C10orf90: variants seen among roughly 807,000 people sequenced by gnomAD.
The protein encoded by C10orf90 is chromosome 10 open reading frame 90, also known as (E2-independent) E3 ubiquitin-conjugating enzyme FATS.
C10orf90 carries 56 observed loss-of-function variants against 62.5 expected under a neutral mutation model. That is an observed-to-expected ratio of 0.90 (90% CI 0.72 to 1.12). C10orf90 has a LOEUF of 1.12. Ranked by LOEUF, C10orf90 falls within the 50% of genes most tolerant of loss-of-function variation. The pLI is 0.00. For synonymous variants in C10orf90, 386 were observed against 340.4 expected (o/e 1.13, Z -1.47); for missense variants, 970 against 880.4 (o/e 1.10, Z -1.29).
intron 4 of C10orf90, among the ~76,000 whole-genome samples, chr10:126,481,191 C>A (rs1322445037): frequency 6.6e-6 from 1 of 152,232 alleles, no homozygotes; most frequent in Non-Finnish European, 1.5e-5. Flanking sequence ...CCTGGCCACC[C>A]ATCTAAAGGA....
chr10:126,468,516 T>C (rs9919433), intron 4 of C10orf90, among the ~76,000 whole-genome samples: 46,682 of 152,012 alleles, frequency 0.31, 7,267 homozygotes, highest in African/African-American at 0.34. Context: ...ATGAATGAGT[T>C]CTGGACACCA....
intron 2 of C10orf90, among the ~76,000 whole-genome samples, chr10:126,573,795 A>G (rs868777838): frequency 7.2e-5 from 11 of 152,292 alleles, no homozygotes; most frequent in Middle Eastern, 6.8e-3. Flanking sequence ...GGAAACTCAG[A>G]AAGTATTTCA....
rs1228733026 is a variant in C10orf90, at chr10:126,456,602, C to T, written c.2188+2438G>A. 2.0e-5 allele frequency among the ~76,000 whole-genome samples: 3 copies of T among 152,174 alleles called. No individual in the cohort carries two copies. Among genetic ancestry groups the T allele is most frequent in the African/African-American group, 7.2e-5 (3 of 41,426 alleles). ...CCCAACAAAAAGATATGTTTAAGTC[C>T]TAATCCCCCATAACTCTGAATGTGA... On this transcript the variant is annotated intron_variant, in intron 7 of 9. Coordinates refer to ENST00000488181, the MANE Select transcript of C10orf90 (RefSeq NM_001350921.2). This position sits in a 1 kb window ranked among gnomAD's most constrained non-coding sequence, Gnocchi z 4.9.
intron 4 of C10orf90, among the ~76,000 whole-genome samples, chr10:126,486,236 C>T (rs1861430307): frequency 6.6e-6 from 1 of 152,104 alleles, no homozygotes; most frequent in Non-Finnish European, 1.5e-5. Context: ...AGACTTGGGG[C>T]CAAAAGTTCA....
chr10:126,505,143 A>T lies in C10orf90; in HGVS notation c.406-58T>A. 4.6e-6 allele frequency: 7 copies of T among 1,517,700 alleles called. No individual in the cohort carries two copies. In the South Asian group the frequency reaches 7.8e-5, roughly 17 times the overall value. The allele number at this position is 1,517,700 out of a possible 1,614,324, so 94.0% of individuals were successfully genotyped here. ...CAGTCTATTGAAATATAGACAGTAA[A>T]CTCTCTTTCAAGGGCCACCAGGATG... On this transcript the variant is annotated intron_variant, in intron 3 of 9. Coordinates refer to ENST00000488181, the MANE Select transcript of C10orf90 (RefSeq NM_001350921.2).
rs1340705358 is a variant in C10orf90 at position 126,618,896 on chromosome 10, A to G, written c.313+27669T>C. Among the ~76,000 whole-genome samples the G allele has an allele frequency of 5.9e-5, 9 of 152,194 alleles. No homozygotes were observed. In the East Asian group the frequency reaches 1.7e-3, roughly 29 times the overall value. On this transcript the variant is annotated intron_variant, in intron 2 of 9. Transcript: ENST00000488181. ...CAAAAGCATACAGCATAGAGCCACT[A>G]TTCACAGTAGCAAAGACATGGAATC... is the stretch of plus-strand genomic sequence containing the variant.
At chr10:126,454,425 G>A (rs1859404668) in intron 7 of C10orf90, among the ~76,000 whole-genome samples, 1 of 151,544 alleles carries the variant, frequency 6.6e-6, no homozygotes, top group Non-Finnish European at 1.5e-5. Context: ...CCTATGACCT[G>A]CAGAGGTTGT....
intron 4 of C10orf90, among the ~76,000 whole-genome samples, chr10:126,471,592 G>T (rs1416952540): frequency 3.3e-5 from 5 of 152,152 alleles, no homozygotes; most frequent in Admixed American, 1.3e-4. Flanking sequence ...GTGATCAGAA[G>T]CACCCTGTGT....
chr10:126,432,143 A>G (rs1214738913), intron 7 of C10orf90, among the ~76,000 whole-genome samples: 1 of 152,228 alleles, frequency 6.6e-6, no homozygotes, highest in Non-Finnish European at 1.5e-5. Context: ...TGGAGGAAAG[A>G]GACATGAGGA....
chr10:126,553,031 G>A (rs1864674134), intron 2 of C10orf90, among the ~76,000 whole-genome samples: 1 of 151,994 alleles, frequency 6.6e-6, no homozygotes. Flanking sequence ...ATAAATAATA[G>A]ACCTAACTAA....
At chr10:126,610,326 C>G (rs935602039) in intron 2 of C10orf90, among the ~76,000 whole-genome samples, 13 of 152,220 alleles carry the variant, frequency 8.5e-5, no homozygotes, top group Non-Finnish European at 1.6e-4. Flanking sequence ...TGACCCTCTA[C>G]CGTCTATAAC....
At chr10:126,667,048 T>TG (rs1564916721) in intron 1 of C10orf90, among the ~76,000 whole-genome samples, 1 of 151,488 alleles carries the variant, frequency 6.6e-6, no homozygotes, top group East Asian at 2.0e-4. Context: ...CCCAATTTTT[T>TG]TTTGTTTGTT....
chr10:126,461,546 T>A lies in C10orf90; in HGVS notation c.1865A>T (p.Glu622Val), dbSNP rs569887593. The part of the protein sequence containing the change: ...TCCDLVVKIK[E>V]CKKSEDPTTP... ...GGTGGGGTCCTCACTCTTCTTACAT[T>A]CCTTTATTTTTACAACCAAGTCACA... Residue 622 changes from glutamate to valine, a missense_variant, in exon 6 of 10, where the codon GAA becomes GTA. Transcript: ENST00000488181. 28 of 1,613,838 alleles carry A rather than the reference T, an allele frequency of 1.7e-5. No individual in the cohort carries two copies. In the South Asian group the frequency reaches 2.7e-4, roughly 16 times the overall value.
intron 2 of C10orf90, among the ~76,000 whole-genome samples, chr10:126,633,658 A>G (rs546202892): frequency 6.6e-6 from 1 of 152,328 alleles, no homozygotes; most frequent in Admixed American, 6.5e-5. Flanking sequence ...GCAGGCTCAG[A>G]GTGAGCTCTC....
chr10:126,546,988 T>C (rs1405370134), intron 2 of C10orf90, among the ~76,000 whole-genome samples: 1 of 152,122 alleles, frequency 6.6e-6, no homozygotes. Context: ...TAGGCAGGCA[T>C]GGTTGCGCAT....
intron 4 of C10orf90, among the ~76,000 whole-genome samples, chr10:126,479,517 T>C (rs1271704155): frequency 6.6e-6 from 1 of 152,190 alleles, no homozygotes; most frequent in Non-Finnish European, 1.5e-5. Flanking sequence ...TGCGAGGCCC[T>C]GATTGTTCAA....
At chr10:126,653,549 T>C (rs1846332702) in intron 1 of C10orf90, among the ~76,000 whole-genome samples, 2 of 152,206 alleles carry the variant, frequency 1.3e-5, no homozygotes, top group South Asian at 2.1e-4. Flanking sequence ...TAATTCAAGA[T>C]CTCTTGCTAT....
Position 126,504,013 on chromosome 10 carries a change from G to C in C10orf90, c.1478C>G (p.Ala493Gly). ...GGACAGTTGGTTGGCATGATCGCTGGCGTGACAATGAGTTGTATGGTCCTT... is the reference window on the plus strand; with the variant it reads ...GGACAGTTGGTTGGCATGATCGCTGCCGTGACAATGAGTTGTATGGTCCTT... ...GEKDHTTHCH[A>G]SDHANQLSIH... Residue 493 changes from alanine (A) to glycine (G), a missense_variant, in exon 4 of 10, where the codon GCC becomes GGC. Coordinates refer to ENST00000488181, the MANE Select transcript of C10orf90 (RefSeq NM_001350921.2). The surrounding 1 kb of genome is among the most constrained non-coding windows in gnomAD (Gnocchi z 4.1). The C allele has an allele frequency of 6.2e-7, 1 of 1,613,814 alleles. No individual in the cohort carries two copies. Among genetic ancestry groups the C allele is most frequent in the Non-Finnish European group, 8.5e-7 (1 of 1,180,016 alleles).
chr10:126,498,998 C>T (rs1862235158), intron 4 of C10orf90, among the ~76,000 whole-genome samples: 1 of 152,220 alleles, frequency 6.6e-6, no homozygotes, highest in South Asian at 2.1e-4. Context: ...TACTGGGGAA[C>T]AGGGTAAAGT....
Sources: allele counts gnomAD v4.1 joint callset (sites outside exome capture counted in the v4.1 genomes callset), GRCh38; gene constraint gnomAD v4.1.1; non-coding constraint Gnocchi (gnomAD v3.1); transcripts MANE v1.5; gene names NCBI Gene and HGNC (gene_info 2026-07-23, HGNC 2026-07-21).